Variants in SLC16A7 observed in about 807,000 individuals in gnomAD.
The protein encoded by SLC16A7 is monocarboxylate transporter 2.
In SLC16A7, 33 loss-of-function variants were observed where a neutral mutation model predicts 34.9. That is an observed-to-expected ratio of 0.94 (90% CI 0.72 to 1.26). The LOEUF (loss-of-function observed/expected upper bound fraction) is 1.26, where lower values mean the gene tolerates loss of function less well. Ranked by LOEUF, SLC16A7 falls within the 50% of genes most tolerant of loss-of-function variation. SLC16A7 has a pLI of 0.00. For synonymous variants in SLC16A7, 201 were observed against 206.6 expected, an observed-to-expected ratio of 0.97 and a Z score of 0.23; for missense variants, 573 against 578.1, an observed-to-expected ratio of 0.99 and a Z score of 0.09.
At chr12:59,693,964 A>G (rs1031211781) in intron 2 of SLC16A7, among the ~76,000 whole-genome samples, 4 of 151,936 alleles carry the variant, frequency 2.6e-5, no homozygotes, top group Non-Finnish European at 1.5e-5. Flanking sequence ...CATCTATGAA[A>G]CGTGATTCAA....
At chr12:59,650,613 T>C (rs1291042640) in intron 1 of SLC16A7, among the ~76,000 whole-genome samples, 2 of 152,190 alleles carry the variant, frequency 1.3e-5, no homozygotes, top group South Asian at 2.1e-4. Flanking sequence ...GTCATACTTA[T>C]ACTGAACAAA....
intron 1 of SLC16A7, among the ~76,000 whole-genome samples, chr12:59,627,713 A>G (rs1249880764): frequency 6.6e-6 from 1 of 151,356 alleles, no homozygotes; most frequent in African/African-American, 2.4e-5. Context: ...ACCCAACACT[A>G]TTATTGAAAC....
intron 3 of SLC16A7, among the ~76,000 whole-genome samples, chr12:59,716,866 A>C (rs1050477023): frequency 6.6e-6 from 1 of 152,162 alleles, no homozygotes; most frequent in Non-Finnish European, 1.5e-5. Flanking sequence ...AAAATAAATA[A>C]ATAAAAGAAT....
chr12:59,754,772 C>T lies in SLC16A7; in HGVS notation c.218-16447C>T, dbSNP rs376191264. Among the ~76,000 whole-genome samples, 190 of 152,302 alleles carry T rather than the reference C, an allele frequency of 1.2e-3. 3 individuals carry two copies. The South Asian group carries it at 0.02, about 16-fold the overall frequency. The stretch of plus-strand genomic sequence containing the variant: ...ACTCATTTTATGAGGCCAGCATCAT[C>T]CTGATACCAAAGCTGGGCAGAGACA... On this transcript the variant is annotated intron_variant, in intron 3 of 5. Coordinates refer to ENST00000547379, the MANE Select transcript of SLC16A7 (RefSeq NM_001270623.2).
chr12:59,778,919 C>A (rs1303933312), intron 5 of SLC16A7, among the ~76,000 whole-genome samples: 2 of 152,042 alleles, frequency 1.3e-5, no homozygotes, highest in African/African-American at 2.4e-5. Flanking sequence ...AGATAAAATT[C>A]TTAGGCTAGT....
At chr12:59,662,884 G>T (rs1176299265) in intron 2 of SLC16A7, among the ~76,000 whole-genome samples, 1 of 152,042 alleles carries the variant, frequency 6.6e-6, no homozygotes, top group East Asian at 1.9e-4. Flanking sequence ...AAATGTTTAA[G>T]ATGTTAAGGT....
At position 59,789,669 on chromosome 12, in the gene SLC16A7, C is replaced by G. The variant is rs181560772; in HGVS notation, c.*9990C>G. ...ATGCAGTTTAACCCTGTCCATGTTCCTCTGTACTCTATTCTTACTGTATTT... is the reference window on the plus strand; with the variant it reads ...ATGCAGTTTAACCCTGTCCATGTTCGTCTGTACTCTATTCTTACTGTATTT... On this transcript the variant is annotated 3_prime_UTR_variant, in exon 6 of 6. Coordinates refer to ENST00000547379, the MANE Select transcript of SLC16A7 (RefSeq NM_001270623.2). 6.6e-6 allele frequency: 1 copy of G among 152,182 alleles called. No homozygotes were observed. The highest frequency in any genetic ancestry group is 6.6e-5 in the Admixed American group (1 of 15,260). 9.4% of individuals were successfully genotyped at this position (152,182 alleles called of 1,614,324 possible). A position where few individuals can be genotyped will look rare whatever the true frequency, so the allele number is the denominator to read the frequency against.
At chr12:59,734,396 T>C (rs1592601263) in intron 3 of SLC16A7, among the ~76,000 whole-genome samples, 1 of 151,784 alleles carries the variant, frequency 6.6e-6, no homozygotes, top group African/African-American at 2.4e-5. Context: ...GCACCAGGAG[T>C]GGGGAAAGGC....
intron 2 of SLC16A7, among the ~76,000 whole-genome samples, chr12:59,668,843 TGAATCATA>T (rs1869431570): frequency 6.6e-6 from 1 of 152,180 alleles, no homozygotes; most frequent in Non-Finnish European, 1.5e-5. Flanking sequence ...GGGAGGTAAT[TGAATCATA>T]GCGGGTATTC....
Position 59,784,858 on chromosome 12 carries a change from A to G in SLC16A7, c.*5179A>G, listed in dbSNP as rs1424143110. The G allele has an allele frequency of 1.3e-5, 2 of 152,192 alleles. No homozygotes were observed. The highest frequency in any genetic ancestry group is 2.9e-5 in the Non-Finnish European group (2 of 68,018). The allele number at this position is 152,192 out of a possible 1,614,324, so 9.4% of individuals were successfully genotyped here. A position where few individuals can be genotyped will look rare whatever the true frequency, so the allele number is the denominator to read the frequency against. Reference sequence around the variant, plus strand: ...GTTTCTGATTTTCTTAAAGTGCCTGACAATATTGAGTAACAAAGCTTACCA... The same window carrying G: ...GTTTCTGATTTTCTTAAAGTGCCTGGCAATATTGAGTAACAAAGCTTACCA... On this transcript the variant is annotated 3_prime_UTR_variant, in exon 6 of 6. Transcript: ENST00000547379.
intron 1 of SLC16A7, among the ~76,000 whole-genome samples, chr12:59,649,311 T>C (rs1868301719): frequency 6.6e-6 from 1 of 152,122 alleles, no homozygotes; most frequent in Non-Finnish European, 1.5e-5. Flanking sequence ...AAAAAGTGCA[T>C]AGCTGTGTAA....
intron 1 of SLC16A7, chr12:59,597,088 C>T (rs1003788699): frequency 2.6e-5 from 4 of 152,278 alleles, no homozygotes; most frequent in African/African-American, 9.6e-5. Context: ...CGCCCTTCTC[C>T]ACCCCCTTTT....
chr12:59,610,748 A>G (rs572296366), intron 1 of SLC16A7, among the ~76,000 whole-genome samples: 5 of 152,242 alleles, frequency 3.3e-5, no homozygotes, highest in Non-Finnish European at 7.3e-5. Context: ...TCCAGCATAC[A>G]TGTTTAAAAA....
chr12:59,736,358 T>G (rs1877598409), intron 3 of SLC16A7, among the ~76,000 whole-genome samples: 1 of 152,138 alleles, frequency 6.6e-6, no homozygotes, highest in Non-Finnish European at 1.5e-5. Context: ...ATGCTTTAAA[T>G]GAACACAAAA....
Position 59,671,809 on chromosome 12 carries a change from G to A in SLC16A7, c.-31+16559G>A, listed in dbSNP as rs536285789. On this transcript the variant is annotated intron_variant, in intron 2 of 5. Transcript: ENST00000547379. The stretch of plus-strand genomic sequence containing the variant: ...TGTATATGTATATATGTATATATGT[G>A]TATATATATGTGTATATGTATATAT... Among the ~76,000 whole-genome samples, 47 of 135,414 alleles carry A rather than the reference G, an allele frequency of 3.5e-4. 3 individuals carry two copies. The highest frequency in any genetic ancestry group is 1.3e-3 in the African/African-American group (44 of 34,216). 88.8% of individuals were successfully genotyped at this position (135,414 alleles called of 152,430 possible). A position where few individuals can be genotyped will look rare whatever the true frequency, so the allele number is the denominator to read the frequency against.
In SLC16A7 at chr12:59,720,357, A is replaced by G. The variant is rs7968528; in HGVS notation, c.217+15339A>G. Among the ~76,000 whole-genome samples the G allele has an allele frequency of 3.0e-3, 452 of 152,188 alleles. 1 individual carries two copies. Among genetic ancestry groups the G allele is most frequent in the African/African-American group, 0.011 (438 of 41,534 alleles). On this transcript the variant is annotated intron_variant, in intron 3 of 5. Transcript: ENST00000547379. ...TTAGTACCCATAACAACAGAAATGT[A>G]TATCTTTTTGTCATTGAAAAGGACC...
intron 3 of SLC16A7, among the ~76,000 whole-genome samples, chr12:59,722,252 T>C (rs1332006461): frequency 6.6e-6 from 1 of 151,978 alleles, no homozygotes; most frequent in African/African-American, 2.4e-5. Context: ...TTCAGCTGCA[T>C]AACTTTCTAT....
At position 59,655,145 on chromosome 12, in the gene SLC16A7, CT is replaced by C. The variant is rs1203269629; in HGVS notation, c.-129-5del. The C allele has an allele frequency of 6.6e-6, 1 of 151,850 alleles. No individual in the cohort carries two copies. The highest frequency in any genetic ancestry group is 1.9e-4 in the East Asian group (1 of 5,170). 9.4% of individuals were successfully genotyped at this position (151,850 alleles called of 1,614,324 possible). A position where few individuals can be genotyped will look rare whatever the true frequency, so the allele number is the denominator to read the frequency against. On this transcript the variant is annotated splice_polypyrimidine_tract_variant and splice_region_variant and intron_variant, in intron 1 of 5. Coordinates refer to ENST00000547379, the MANE Select transcript of SLC16A7 (RefSeq NM_001270623.2). ...TAGATGGTTACTATATTCTTTGATT[CT>C]TCTAGGAGTCAATCTTAAGATGTGA...
Position 59,775,365 on chromosome 12 carries a change from T to A in SLC16A7, c.1070T>A (p.Val357Asp). The A allele has an allele frequency of 6.2e-7, 1 of 1,614,134 alleles. No homozygotes were observed. Residue 357 changes from valine (V) to aspartate (D), a missense_variant, in exon 5 of 6, where the codon GTT becomes GAT. Val to Asp is a radical substitution (Grantham distance 152, BLOSUM62 -3). Transcript: ENST00000547379. ...FGLGFGSVSSVLFETLMDLVG... is the reference protein window; with the variant it reads ...FGLGFGSVSSDLFETLMDLVG... ...CTTGGATTTGGGAGTGTTAGCAGTGTTCTCTTTGAAACTCTCATGGACCTC... is the reference window on the plus strand; with the variant it reads ...CTTGGATTTGGGAGTGTTAGCAGTGATCTCTTTGAAACTCTCATGGACCTC...
Sources: gnomAD v4.1 joint callset for allele counts (sites outside exome capture counted in the v4.1 genomes callset) on GRCh38, gnomAD v4.1.1 for gene constraint, MANE v1.5 for transcripts, NCBI Gene and HGNC (gene_info 2026-07-23, HGNC 2026-07-21) for gene names.